Variants in PPP1R14C observed in about 807,000 individuals in gnomAD.
The protein encoded by PPP1R14C is protein phosphatase 1 regulatory inhibitor subunit 14C.
PPP1R14C carries 16 observed loss-of-function variants against 20.4 expected under a neutral mutation model. The observed-to-expected ratio is 0.78, with a 90% CI of 0.53 to 1.19. The LOEUF is 1.19. PPP1R14C is among the 50% of genes most tolerant of loss of function. PPP1R14C has a pLI of 0.00. For missense variants in PPP1R14C, 211 were observed against 220.1 expected, an observed-to-expected ratio of 0.96 and a Z score of 0.26; for synonymous variants, 91 against 91.0, an observed-to-expected ratio of 1.00 and a Z score of 0.00.
intron 1 of PPP1R14C, among the ~76,000 whole-genome samples, chr6:150,167,544 T>C (rs1777437273): frequency 6.6e-6 from 1 of 152,166 alleles, no homozygotes; most frequent in Admixed American, 6.5e-5. Context: ...TCTGCTTTTT[T>C]AGTTCACTAG....
chr6:150,218,247 C>CA (rs1394638501), intron 3 of PPP1R14C, among the ~76,000 whole-genome samples: 1 of 151,818 alleles, frequency 6.6e-6, no homozygotes, highest in Non-Finnish European at 1.5e-5. Context: ...ACTAAAAATA[C>CA]AAAAAATTAG....
chr6:150,156,402 A>C (rs536588081), intron 1 of PPP1R14C, among the ~76,000 whole-genome samples: 1 of 152,240 alleles, frequency 6.6e-6, no homozygotes, highest in Non-Finnish European at 1.5e-5. Context: ...GTTTTCACTC[A>C]AGTCCTTAGC....
intron 1 of PPP1R14C, among the ~76,000 whole-genome samples, chr6:150,207,285 C>T (rs1239327597): frequency 6.6e-6 from 1 of 152,150 alleles, no homozygotes; most frequent in East Asian, 1.9e-4. Flanking sequence ...ATATAGGATC[C>T]CACTGGAAAG....
In PPP1R14C at chr6:150,150,524, C is replaced by T. The variant is rs532873846; in HGVS notation, c.306+7026C>T. 1.2e-3 allele frequency among the ~76,000 whole-genome samples: 186 copies of T among 152,294 alleles called. 1 individual carries two copies. The highest frequency in any genetic ancestry group is 4.2e-3 in the African/African-American group (176 of 41,566). On this transcript the variant is annotated intron_variant, in intron 1 of 3. Coordinates refer to ENST00000361131, the MANE Select transcript of PPP1R14C (RefSeq NM_030949.3). ...CCTGGCAGCCCCTGGTCTCCCTCGC[C>T]TAGCCCACAGCTCTCTGTCAAGAAG...
At chr6:150,175,746 C>T (rs552858408) in intron 1 of PPP1R14C, among the ~76,000 whole-genome samples, 3 of 152,322 alleles carry the variant, frequency 2.0e-5, no homozygotes, top group South Asian at 2.1e-4. Flanking sequence ...ATAACATAAC[C>T]CATGGCTCTT....
At chr6:150,245,008 C>T (rs1778475274) in intron 3 of PPP1R14C, among the ~76,000 whole-genome samples, 1 of 152,136 alleles carries the variant, frequency 6.6e-6, no homozygotes, top group Non-Finnish European at 1.5e-5. Flanking sequence ...CATCACAAAT[C>T]TGTAAGCCTG....
intron 2 of PPP1R14C, among the ~76,000 whole-genome samples, chr6:150,215,083 T>C (rs1778073794): frequency 6.6e-6 from 1 of 152,200 alleles, no homozygotes; most frequent in African/African-American, 2.4e-5. Context: ...CCCATTTTCT[T>C]GGGAGAAACA....
chr6:150,158,778 A>T (rs1411354059), intron 1 of PPP1R14C, among the ~76,000 whole-genome samples: 1 of 152,252 alleles, frequency 6.6e-6, no homozygotes, highest in Non-Finnish European at 1.5e-5. Flanking sequence ...CTCTCCTGCC[A>T]CAGGGCTTTA....
At chr6:150,174,406 T>C (rs73605988) in intron 1 of PPP1R14C, among the ~76,000 whole-genome samples, 35,035 of 149,510 alleles carry the variant, frequency 0.23, 4,729 homozygotes, top group African/African-American at 0.37. Context: ...TTAGTAGAGA[T>C]GGGGTTTCAC....
chr6:150,212,355 T>C (rs966924241), intron 1 of PPP1R14C, among the ~76,000 whole-genome samples: 1 of 152,124 alleles, frequency 6.6e-6, no homozygotes, highest in Non-Finnish European at 1.5e-5. Flanking sequence ...TCTCAGGGGT[T>C]GGGGAAAATG....
chr6:150,178,509 C>T (rs1777587278), intron 1 of PPP1R14C, among the ~76,000 whole-genome samples: 1 of 152,232 alleles, frequency 6.6e-6, no homozygotes, highest in African/African-American at 2.4e-5. Context: ...TTCATTTCTT[C>T]AGTTCAGGTA....
At chr6:150,146,618 G>A (rs995908105) in intron 1 of PPP1R14C, among the ~76,000 whole-genome samples, 3 of 152,102 alleles carry the variant, frequency 2.0e-5, no homozygotes, top group Admixed American at 6.5e-5. Flanking sequence ...CCACTCGCAC[G>A]CCCAGTCTTG....
intron 1 of PPP1R14C, among the ~76,000 whole-genome samples, chr6:150,153,065 G>T (rs57903330): frequency 0.24 from 36,803 of 152,080 alleles, 4,749 homozygotes; most frequent in South Asian, 0.38. Flanking sequence ...ACGGCCACCT[G>T]TAGACCAGGA....
chr6:150,207,910 G>A (rs1777973478), intron 1 of PPP1R14C, among the ~76,000 whole-genome samples: 1 of 152,120 alleles, frequency 6.6e-6, no homozygotes, highest in African/African-American at 2.4e-5. Flanking sequence ...AAGGTCGAGG[G>A]GTCATATCTG....
At chr6:150,169,986 T>C (rs1036167514) in intron 1 of PPP1R14C, among the ~76,000 whole-genome samples, 11 of 152,232 alleles carry the variant, frequency 7.2e-5, no homozygotes, top group Non-Finnish European at 1.3e-4. Context: ...GTTTCCTTGC[T>C]GTATGGGGAC....
chr6:150,178,647 A>G (rs1208689083), intron 1 of PPP1R14C, among the ~76,000 whole-genome samples: 1 of 152,252 alleles, frequency 6.6e-6, no homozygotes, highest in Non-Finnish European at 1.5e-5. Flanking sequence ...CATTAAAGAT[A>G]AAACTACTCC....
chr6:150,163,327 A>G (rs896118709), intron 1 of PPP1R14C, among the ~76,000 whole-genome samples: 2 of 152,120 alleles, frequency 1.3e-5, no homozygotes, highest in Non-Finnish European at 2.9e-5. Context: ...GGAGGCGGAG[A>G]TTGCAGTGAG....
chr6:150,234,848 CAAAAAAAAAAAAAAAAAA>C (rs56139981), intron 3 of PPP1R14C, among the ~76,000 whole-genome samples: 5 of 41,832 alleles, frequency 1.2e-4, no homozygotes, highest in Admixed American at 3.4e-4. Flanking sequence ...GACTCTGTCT[CAAAAAAAAAAAAAAAAAA>C]AAAAAAAAAA....
At chr6:150,199,522 A>G (rs180834601) in intron 1 of PPP1R14C, among the ~76,000 whole-genome samples, 137 of 152,252 alleles carry the variant, frequency 9.0e-4, no homozygotes, top group Admixed American at 1.4e-3. Context: ...CCTAGTCCTC[A>G]CCACACAATA....
Sources: gnomAD v4.1 joint callset for allele counts (sites outside exome capture counted in the v4.1 genomes callset) on GRCh38, gnomAD v4.1.1 for gene constraint, MANE v1.5 for transcripts, NCBI Gene and HGNC (gene_info 2026-07-23, HGNC 2026-07-21) for gene names.